CCSER1: variants seen among roughly 807,000 people sequenced by gnomAD.
CCSER1 encodes coiled-coil serine rich protein 1, also known as serine-rich coiled-coil domain-containing protein 1.
In CCSER1, 41 loss-of-function variants were observed where a neutral mutation model predicts 82.0. The observed-to-expected ratio is 0.50, with a 90% CI of 0.39 to 0.65. The LOEUF is 0.65. Among genes scored for constraint, CCSER1 ranks in the 30% least tolerant of loss-of-function variants. The pLI is 0.00. For missense variants in CCSER1, 1,119 were observed against 1,064.2 expected (o/e 1.05, Z -0.72); for synonymous variants, 414 against 383.9 (o/e 1.08, Z -0.92).
intron 6 of CCSER1, among the ~76,000 whole-genome samples, chr4:90,638,912 C>T (rs1199734084): frequency 6.6e-6 from 1 of 152,072 alleles, no homozygotes; most frequent in African/African-American, 2.4e-5. Context: ...TCACTTCTGC[C>T]ATTGTATAGC....
At chr4:90,633,717 ACTT>A (rs1724901255) in intron 6 of CCSER1, among the ~76,000 whole-genome samples, 1 of 151,952 alleles carries the variant, frequency 6.6e-6, no homozygotes, top group Admixed American at 6.6e-5. Context: ...AGCCATTATT[ACTT>A]CTTATTTGTT....
At chr4:90,472,879 G>C (rs988098694) in intron 5 of CCSER1, among the ~76,000 whole-genome samples, 2 of 152,066 alleles carry the variant, frequency 1.3e-5, no homozygotes, top group Non-Finnish European at 2.9e-5. Context: ...ATAAAAAAGA[G>C]TGAAATCATG....
chr4:91,148,600 C>T (rs1233294744), intron 10 of CCSER1, among the ~76,000 whole-genome samples: 1 of 152,060 alleles, frequency 6.6e-6, no homozygotes, highest in Non-Finnish European at 1.5e-5. Context: ...TCATCATTTA[C>T]ATTAGGTATA....
chr4:90,812,639 A>C (rs1391712502), intron 7 of CCSER1, among the ~76,000 whole-genome samples: 3 of 152,190 alleles, frequency 2.0e-5, no homozygotes, highest in Admixed American at 2.0e-4. Context: ...TCACACCACT[A>C]TAAAGAACAA....
intron 1 of CCSER1, among the ~76,000 whole-genome samples, chr4:90,215,456 T>A (rs137942587): frequency 6.6e-6 from 1 of 152,312 alleles, no homozygotes; most frequent in East Asian, 1.9e-4. Flanking sequence ...ACCTTTAGTA[T>A]AGTAGCAAGT....
chr4:90,310,198 A>G (rs900997750), intron 2 of CCSER1, among the ~76,000 whole-genome samples: 1 of 151,606 alleles, frequency 6.6e-6, no homozygotes, highest in African/African-American at 2.4e-5. Context: ...ACAGGTTTCA[A>G]CTCTGCCTCT....
chr4:91,272,646 G>C (rs1308316559), intron 10 of CCSER1, among the ~76,000 whole-genome samples: 1 of 152,116 alleles, frequency 6.6e-6, no homozygotes, highest in Non-Finnish European at 1.5e-5. Flanking sequence ...ATTTGGTTTT[G>C]TGTCTTGGTC....
intron 9 of CCSER1, among the ~76,000 whole-genome samples, chr4:90,934,846 G>A (rs1046469819): frequency 1.2e-4 from 18 of 151,988 alleles, no homozygotes; most frequent in African/African-American, 4.1e-4. Context: ...CAAGAGAATC[G>A]CTTGAACCCG....
intron 1 of CCSER1, among the ~76,000 whole-genome samples, chr4:90,231,026 T>G (rs901807989): frequency 6.6e-6 from 1 of 152,122 alleles, no homozygotes; most frequent in African/African-American, 2.4e-5. Flanking sequence ...GATTCACAGC[T>G]GAATTCTACC....
At chr4:90,935,371 C>T (rs572060310) in intron 9 of CCSER1, among the ~76,000 whole-genome samples, 34 of 152,212 alleles carry the variant, frequency 2.2e-4, no homozygotes, top group African/African-American at 3.6e-4. Flanking sequence ...CCTGTCTGCA[C>T]GTACCGGCTC....
chr4:91,407,828 G>A (rs1752790343), intron 10 of CCSER1, among the ~76,000 whole-genome samples: 1 of 152,156 alleles, frequency 6.6e-6, no homozygotes, highest in Admixed American at 6.5e-5. Context: ...TGTCCCAGGA[G>A]GCGCCACTTC....
At chr4:91,142,485 A>C (rs1729132302) in intron 10 of CCSER1, among the ~76,000 whole-genome samples, 1 of 152,034 alleles carries the variant, frequency 6.6e-6, no homozygotes, top group Admixed American at 6.6e-5. Context: ...CCACTTGGTA[A>C]TTTTTGTTTT....
At chr4:91,189,598 C>T (rs1422312845) in intron 10 of CCSER1, among the ~76,000 whole-genome samples, 1 of 151,918 alleles carries the variant, frequency 6.6e-6, no homozygotes, top group East Asian at 1.9e-4. Context: ...GTCCTTGGCC[C>T]AATATTTCTG....
chr4:90,379,445 C>T (rs546623984), intron 3 of CCSER1, among the ~76,000 whole-genome samples: 84 of 152,236 alleles, frequency 5.5e-4, no homozygotes, highest in African/African-American at 1.9e-3. Context: ...TTTTCCCTCG[C>T]GTCAGATAAC....
intron 1 of CCSER1, among the ~76,000 whole-genome samples, chr4:90,134,975 T>C (rs1225370571): frequency 6.6e-6 from 1 of 152,246 alleles, no homozygotes; most frequent in African/African-American, 2.4e-5. Flanking sequence ...TGAATAAAAC[T>C]AGATTAATAA....
chr4:90,195,944 T>C (rs1245907767), intron 1 of CCSER1, among the ~76,000 whole-genome samples: 2 of 152,138 alleles, frequency 1.3e-5, no homozygotes, highest in Non-Finnish European at 2.9e-5. Context: ...AGTAATTTTC[T>C]AGAGTTCTGT....
At chr4:90,636,080 C>T (rs1261498948) in intron 6 of CCSER1, among the ~76,000 whole-genome samples, 1 of 151,610 alleles carries the variant, frequency 6.6e-6, no homozygotes, top group Admixed American at 6.6e-5. Flanking sequence ...AATTAAGAAA[C>T]ATAAATACTA....
Position 90,720,439 on chromosome 4 carries a change from T to C in CCSER1, c.1933-3475T>C, listed in dbSNP as rs149403649. On this transcript the variant is annotated intron_variant, in intron 6 of 10. Transcript: ENST00000509176. ...ATTTATAATACTTGTAAAAGATTCTTTCATTTTCATGGATTAAAAATTAAC... is the reference window on the plus strand; with the variant it reads ...ATTTATAATACTTGTAAAAGATTCTCTCATTTTCATGGATTAAAAATTAAC... Among the ~76,000 whole-genome samples, 61 of 152,196 alleles carry C rather than the reference T, an allele frequency of 4.0e-4. 1 individual carries two copies. In the East Asian group the frequency reaches 0.01, roughly 26 times the overall value.
chr4:91,466,390 C>G (rs1347787523), intron 10 of CCSER1, among the ~76,000 whole-genome samples: 1 of 152,084 alleles, frequency 6.6e-6, no homozygotes, highest in African/African-American at 2.4e-5. Context: ...AACCCACAGC[C>G]AATATCATAT....
Sources: allele counts gnomAD v4.1 joint callset (sites outside exome capture counted in the v4.1 genomes callset), GRCh38; gene constraint gnomAD v4.1.1; transcripts MANE v1.5; gene names NCBI Gene and HGNC (gene_info 2026-07-23, HGNC 2026-07-21).